Variants in DOCK9 observed in about 807,000 individuals in gnomAD.
DOCK9 encodes the protein dedicator of cytokinesis protein 9.
A neutral mutation model predicts 263.3 loss-of-function variants in DOCK9; 89 were observed. That is an observed-to-expected ratio of 0.34 (90% CI 0.28 to 0.40). The LOEUF (loss-of-function observed/expected upper bound fraction) is 0.40. Ranked by LOEUF, DOCK9 falls within the 10% of genes least tolerant of loss-of-function variation. The pLI, the probability that DOCK9 is intolerant of heterozygous loss-of-function variation, is 1.00. For synonymous variants in DOCK9, 976 were observed against 973.1 expected, an observed-to-expected ratio of 1.00 and a Z score of -0.06; for missense variants, 2,140 against 2,603.4, an observed-to-expected ratio of 0.82 and a Z score of 3.87.
intron 27 of DOCK9, 45 bp from the exon 28 acceptor site, chr13:98,868,422 A>G: frequency 6.4e-7 from 1 of 1,551,678 alleles, no homozygotes; most frequent in Non-Finnish European, 8.7e-7. Flanking sequence ...TTAAGTTGCA[A>G]TCATTTGGGA....
chr13:98,851,742 C>T (rs2093578889), intron 35 of DOCK9, among the ~76,000 whole-genome samples: 1 of 152,144 alleles, frequency 6.6e-6, no homozygotes, highest in African/African-American at 2.4e-5. Context: ...GCAATTTCTC[C>T]CCCTAACCCA....
chr13:98,978,069 G>T, upstream of DOCK9: 1 of 1,422,090 alleles, frequency 7.0e-7, no homozygotes. Flanking sequence ...GAGCCTGTGG[G>T]GTGGGAAGGC....
chr13:98,895,012 TCAGCTACTCAGGAGTCC>T (rs1160631034), intron 15 of DOCK9, among the ~76,000 whole-genome samples: 6 of 141,390 alleles, frequency 4.2e-5, no homozygotes, highest in Non-Finnish European at 9.1e-5. Context: ...CATGCGCTAC[TCAGCTACTCAGGAGTCC>T]CAGCTACTCA....
intron 45 of DOCK9, among the ~76,000 whole-genome samples, chr13:98,823,727 C>A (rs1486105065): frequency 6.6e-6 from 1 of 152,212 alleles, no homozygotes; most frequent in Non-Finnish European, 1.5e-5. Context: ...GGCATTTATT[C>A]AAATATCTAG....
At chr13:98,906,530 G>A (rs1428316370) in intron 9 of DOCK9, among the ~76,000 whole-genome samples, 1 of 152,168 alleles carries the variant, frequency 6.6e-6, no homozygotes, top group Non-Finnish European at 1.5e-5. Flanking sequence ...TATGGAGTCG[G>A]AATAGAATGT....
chr13:98,985,792 A>T (rs1878315450), intron 1 of DOCK9, among the ~76,000 whole-genome samples: 1 of 112,782 alleles, frequency 8.9e-6, no homozygotes, highest in Non-Finnish European at 1.9e-5. Flanking sequence ...TCCCTTCCTC[A>T]GCTTTGAGCG....
chr13:98,987,376 G>A (rs1407241698), intron 1 of DOCK9, among the ~76,000 whole-genome samples: 4 of 152,118 alleles, frequency 2.6e-5, no homozygotes, highest in African/African-American at 9.7e-5. Context: ...AGAAAAGTGT[G>A]GTTAAAAAAG....
intron 1 of DOCK9, among the ~76,000 whole-genome samples, chr13:99,068,817 G>T (rs899631586): frequency 1.3e-5 from 2 of 152,154 alleles, no homozygotes; most frequent in African/African-American, 4.8e-5. Context: ...TAACCTAAGA[G>T]ATTAAATATC....
intron 1 of DOCK9, among the ~76,000 whole-genome samples, chr13:98,976,026 G>T (rs1169096709): frequency 2.0e-5 from 3 of 152,244 alleles, no homozygotes; most frequent in Admixed American, 6.5e-5. Context: ...CCTCGGCAAA[G>T]GCCCTGCTGA....
intron 45 of DOCK9, among the ~76,000 whole-genome samples, chr13:98,817,264 G>T (rs1401493891): frequency 1.3e-5 from 2 of 152,044 alleles, no homozygotes; most frequent in Admixed American, 6.6e-5. Flanking sequence ...TTTGAGACAG[G>T]TCTTGCATGT....
At chr13:98,794,848 T>C (rs2089156441) in intron 52 of DOCK9, 100 bp from the exon 53 acceptor site, 13 of 1,376,096 alleles carry the variant, frequency 9.4e-6, no homozygotes, top group Non-Finnish European at 2.0e-6. Flanking sequence ...TGTAACAAAA[T>C]GTTACAGAGT....
chr13:98,943,379 G>C (rs767715078), intron 2 of DOCK9, among the ~76,000 whole-genome samples: 1 of 152,148 alleles, frequency 6.6e-6, no homozygotes, highest in Non-Finnish European at 1.5e-5. Flanking sequence ...AGGCAACCCT[G>C]GTAGAAAAAG....
At chr13:99,034,137 G>T (rs1887618679) in intron 1 of DOCK9, among the ~76,000 whole-genome samples, 1 of 152,156 alleles carries the variant, frequency 6.6e-6, no homozygotes, top group African/African-American at 2.4e-5. Flanking sequence ...AGCAACACTA[G>T]AAAAGAGATT....
At chr13:99,060,175 G>A (rs1037354700) in intron 1 of DOCK9, among the ~76,000 whole-genome samples, 7 of 137,142 alleles carry the variant, frequency 5.1e-5, no homozygotes, top group East Asian at 2.3e-4. Flanking sequence ...CAGGGTTCAC[G>A]CCATTCTCCT....
chr13:98,843,490 C>T (rs1183650971), intron 38 of DOCK9, among the ~76,000 whole-genome samples: 1 of 152,164 alleles, frequency 6.6e-6, no homozygotes, highest in African/African-American at 2.4e-5. Flanking sequence ...CATTCAAACA[C>T]ATAATGAGAA....
At chr13:99,047,545 G>A (rs576206549) in intron 1 of DOCK9, among the ~76,000 whole-genome samples, 3 of 142,590 alleles carry the variant, frequency 2.1e-5, no homozygotes, top group Non-Finnish European at 4.5e-5. Flanking sequence ...TTGAGACGGA[G>A]TCTCGCCCAG....
At chr13:98,880,102 T>C (rs2044494605) in intron 26 of DOCK9, 133 bp from the exon 27 acceptor site, 1 of 653,882 alleles carries the variant, frequency 1.5e-6, no homozygotes. Context: ...TCTTGGCACA[T>C]TATGATCAGA....
At chr13:98,826,744 A>G in intron 44 of DOCK9, 86 bp downstream of exon 44, 2 of 1,081,852 alleles carry the variant, frequency 1.8e-6, no homozygotes, top group Middle Eastern at 2.0e-4. Flanking sequence ...CCCACCTTCC[A>G]ATCTTCCTGA....
At chr13:98,867,826 A>T in intron 29 of DOCK9, 102 bp downstream of exon 29, 1 of 1,163,162 alleles carries the variant, frequency 8.6e-7, no homozygotes. Flanking sequence ...ACAATAAAAA[A>T]ATTAGTAAGG....
Sources: gnomAD v4.1 joint callset for allele counts (sites outside exome capture counted in the v4.1 genomes callset) on GRCh38, gnomAD v4.1.1 for gene constraint, MANE v1.5 for transcripts, NCBI Gene and HGNC (gene_info 2026-07-23, HGNC 2026-07-21) for gene names.